CATSPERE: variants seen among roughly 807,000 people sequenced by gnomAD.
CATSPERE encodes the protein catsper channel auxiliary subunit epsilon.
A neutral mutation model predicts 114.1 loss-of-function variants in CATSPERE; 93 were observed. The ratio of observed to expected loss-of-function variants is 0.81; its 90% CI spans 0.69 to 0.97. The LOEUF is 0.97. CATSPERE is among the 50% of genes least tolerant of loss of function. The pLI, the probability that CATSPERE is intolerant of heterozygous loss-of-function variation, is 0.00. For synonymous variants in CATSPERE, 341 were observed against 384.1 expected, an observed-to-expected ratio of 0.89 and a Z score of 1.31; for missense variants, 1,058 against 1,131.6, an observed-to-expected ratio of 0.93 and a Z score of 0.93.
chr1:244,606,385 T>C (rs1313662985), intron 18 of CATSPERE, among the ~76,000 whole-genome samples: 2 of 151,804 alleles, frequency 1.3e-5, no homozygotes, highest in African/African-American at 2.4e-5. Flanking sequence ...CCTGTCATGA[T>C]GGAGCCTCTC....
Position 244,528,785 on chromosome 1 carries a change from CCACACACACACACA to C in CATSPERE, c.536+10115_536+10128del, listed in dbSNP as rs56746061. Among the ~76,000 whole-genome samples, 266 of 130,584 alleles carry C rather than the reference CCACACACACACACA, an allele frequency of 2.0e-3. 1 individual carries two copies. The highest frequency in any genetic ancestry group is 6.1e-3 in the South Asian group (23 of 3,776). 85.7% of individuals were successfully genotyped at this position (130,584 alleles called of 152,430 possible). ...TACTCTCCCCCACAACAATCCCCCA[CCACACACACACACA>C]CACACACACACACACACACACACAC... is the stretch of plus-strand genomic sequence containing the variant. On this transcript the variant is annotated intron_variant, in intron 8 of 21. Transcript: ENST00000366534.
At chr1:244,482,979 T>C (rs1670486559) in intron 5 of CATSPERE, among the ~76,000 whole-genome samples, 1 of 152,234 alleles carries the variant, frequency 6.6e-6, no homozygotes, top group Non-Finnish European at 1.5e-5. Context: ...CTAAAAATTA[T>C]GTTTTTGAGA....
chr1:244,583,749 G>C (rs6429486), intron 12 of CATSPERE, 115 bp from the exon 13 acceptor site: 106,673 of 800,666 alleles, frequency 0.13, 10,694 homozygotes, highest in East Asian at 0.36. Flanking sequence ...TCTAGAAATT[G>C]GCGTGGGAGG....
chr1:244,540,540 G>A (rs1254183748), intron 8 of CATSPERE, among the ~76,000 whole-genome samples: 4 of 142,302 alleles, frequency 2.8e-5, no homozygotes, highest in South Asian at 5.0e-4. Flanking sequence ...CCATGCTCAT[G>A]GGTAGGAAGA....
intron 14 of CATSPERE, among the ~76,000 whole-genome samples, chr1:244,590,945 G>C (rs141630508): frequency 1.0e-3 from 153 of 152,300 alleles, no homozygotes; most frequent in African/African-American, 3.6e-3. Flanking sequence ...ATTATTGTGG[G>C]TATCTACCTA....
chr1:244,553,719 TTC>T (rs1661148191), intron 9 of CATSPERE, among the ~76,000 whole-genome samples: 1 of 151,508 alleles, frequency 6.6e-6, no homozygotes, highest in Non-Finnish European at 1.5e-5. Flanking sequence ...TAGAACTTAT[TTC>T]TTCTATCGAA....
intron 2 of CATSPERE, among the ~76,000 whole-genome samples, chr1:244,468,246 C>A (rs917000376): frequency 2.2e-4 from 34 of 151,970 alleles, no homozygotes; most frequent in African/African-American, 7.3e-4. Context: ...GTGTGTGCCA[C>A]CACGCCCGGC....
intron 20 of CATSPERE, 43 bp downstream of exon 20, chr1:244,617,729 CAA>C: frequency 1.4e-6 from 2 of 1,451,112 alleles, no homozygotes; most frequent in Non-Finnish European, 1.8e-6. Flanking sequence ...ATTAGTTCTT[CAA>C]AATCTTTATT....
At chr1:244,559,607 C>T (rs1039455980) in intron 9 of CATSPERE, among the ~76,000 whole-genome samples, 1 of 152,114 alleles carries the variant, frequency 6.6e-6, no homozygotes, top group African/African-American at 2.4e-5. Context: ...CAGCCTATAT[C>T]CATGAAAGGG....
chr1:244,494,897 A>AT (rs947188712), intron 6 of CATSPERE, among the ~76,000 whole-genome samples: 1 of 152,198 alleles, frequency 6.6e-6, no homozygotes, highest in Non-Finnish European at 1.5e-5. Context: ...TTACGGAATT[A>AT]TTTTTTGAGG....
At chr1:244,524,419 T>C (rs1678160724) in intron 8 of CATSPERE, among the ~76,000 whole-genome samples, 1 of 150,468 alleles carries the variant, frequency 6.6e-6, no homozygotes, top group East Asian at 1.9e-4. Flanking sequence ...ATTCAGGACA[T>C]AGGCGTGGGC....
chr1:244,621,101 TATAAATA>T (rs1672131444), intron 20 of CATSPERE, among the ~76,000 whole-genome samples: 2 of 66,842 alleles, frequency 3.0e-5, no homozygotes, highest in African/African-American at 1.2e-4. Context: ...ATAAAATATA[TATAAATA>T]TATATATAAT....
chr1:244,635,379 C>T (rs188131634), intron 20 of CATSPERE, 110 bp from the exon 21 acceptor site: 3 of 727,452 alleles, frequency 4.1e-6, no homozygotes, highest in Admixed American at 5.2e-5. Context: ...AAGAAAATGA[C>T]ACCTTAACTA....
rs932030006 is a variant in CATSPERE, at chr1:244,580,091, C to T, written c.1951-1705C>T. ...TCACTCTGTCATCCAGGCTGGAGTGCAGTGGCACAATGTTGGTTCACCGCA... is the reference window on the plus strand; with the variant it reads ...TCACTCTGTCATCCAGGCTGGAGTGTAGTGGCACAATGTTGGTTCACCGCA... On this transcript the variant is annotated intron_variant, in intron 11 of 21. Transcript: ENST00000366534. Among the ~76,000 whole-genome samples the T allele has an allele frequency of 2.0e-5, 3 of 152,202 alleles. No individual in the cohort carries two copies. In the South Asian group the frequency reaches 6.2e-4, roughly 32 times the overall value.
At chr1:244,472,349 T>G (rs1668620743) in intron 2 of CATSPERE, among the ~76,000 whole-genome samples, 1 of 152,246 alleles carries the variant, frequency 6.6e-6, no homozygotes, top group African/African-American at 2.4e-5. Context: ...GAATACATTT[T>G]GGCTTGAATT....
rs751877095 is a variant in CATSPERE, at chr1:244,568,880, A to G, written c.1508-3450A>G. On this transcript the variant is annotated intron_variant, in intron 10 of 21. Transcript: ENST00000366534. The surrounding 1 kb of genome is among the most constrained non-coding windows in gnomAD (Gnocchi z 4.4). ...CTCTCTCACTGGTGTTCCTGGCACC[A>G]CTGGGGTATGAAAAAAAACAAAAAC... is the stretch of plus-strand genomic sequence containing the variant. 6.6e-6 allele frequency among the ~76,000 whole-genome samples: 1 copy of G among 152,068 alleles called. No homozygotes were observed. Among genetic ancestry groups the G allele is most frequent in the Admixed American group, 6.5e-5 (1 of 15,270 alleles).
chr1:244,621,061 A>AAATATATAT (rs1207234073), intron 20 of CATSPERE, among the ~76,000 whole-genome samples: 1 of 57,102 alleles, frequency 1.8e-5, no homozygotes, highest in African/African-American at 6.7e-5. Flanking sequence ...AATATATATA[A>AAATATATAT]ATATATATAA....
chr1:244,508,585 G>C (rs1046078150), intron 7 of CATSPERE, among the ~76,000 whole-genome samples: 1 of 151,870 alleles, frequency 6.6e-6, no homozygotes, highest in African/African-American at 2.4e-5. Flanking sequence ...ACAGGCGTGA[G>C]CCACTGCGCC....
chr1:244,525,515 A>G (rs1678439019), intron 8 of CATSPERE, among the ~76,000 whole-genome samples: 1 of 151,900 alleles, frequency 6.6e-6, no homozygotes, highest in African/African-American at 2.4e-5. Flanking sequence ...ATAATAAAAT[A>G]AAAAAGAAAG....
Sources: allele counts gnomAD v4.1 joint callset (sites outside exome capture counted in the v4.1 genomes callset), GRCh38; gene constraint gnomAD v4.1.1; non-coding constraint Gnocchi (gnomAD v3.1); transcripts MANE v1.5; gene names NCBI Gene and HGNC (gene_info 2026-07-23, HGNC 2026-07-21).